The following KIAA1328 variants were observed in gnomAD, a reference collection of about 807,000 sequenced individuals.
KIAA1328 encodes protein hinderin.
A neutral mutation model predicts 68.1 loss-of-function variants in KIAA1328; 52 were observed. The observed-to-expected ratio is 0.76, with a 90% CI of 0.61 to 0.96. KIAA1328 has a LOEUF of 0.96. Ranked by LOEUF, KIAA1328 falls within the 40% of genes least tolerant of loss-of-function variation. The pLI is 0.00. For synonymous variants in KIAA1328, 232 were observed against 239.4 expected (o/e 0.97, Z 0.28); for missense variants, 641 against 677.6 (o/e 0.95, Z 0.60).
At chr18:36,898,655 T>C (rs947613912) in intron 5 of KIAA1328, among the ~76,000 whole-genome samples, 1 of 152,004 alleles carries the variant, frequency 6.6e-6, no homozygotes, top group Non-Finnish European at 1.5e-5. Context: ...TTTAGGCTGG[T>C]ATAGTGACGC....
chr18:37,213,920 T>C (rs779068191), intron 9 of KIAA1328, among the ~76,000 whole-genome samples: 2 of 152,254 alleles, frequency 1.3e-5, no homozygotes, highest in Non-Finnish European at 2.9e-5. Flanking sequence ...CATTTTTTCA[T>C]GTGTCTGTTG....
At position 37,200,141 on chromosome 18, in the gene KIAA1328, C is replaced by A. The variant is rs544396478; in HGVS notation, c.1524-21876C>A. 4.3e-4 allele frequency among the ~76,000 whole-genome samples: 65 copies of A among 152,270 alleles called. 1 individual carries two copies. The highest frequency in any genetic ancestry group is 1.6e-3 in the African/African-American group (65 of 41,564). On this transcript the variant is annotated intron_variant, in intron 9 of 9. Coordinates refer to ENST00000280020, the MANE Select transcript of KIAA1328 (RefSeq NM_020776.3). ...AAGGAAGAGCCTGAGGCACAACATA[C>A]AATTTGAAGAGTTTACTTGAGCCAA...
At chr18:37,051,954 A>G (rs1179076332) in intron 6 of KIAA1328, among the ~76,000 whole-genome samples, 3 of 152,070 alleles carry the variant, frequency 2.0e-5, no homozygotes, top group Admixed American at 2.0e-4. Flanking sequence ...AGGCAGGAGA[A>G]TCACTTGAAA....
chr18:36,854,004 A>C (rs2047302860), intron 4 of KIAA1328, among the ~76,000 whole-genome samples: 1 of 152,172 alleles, frequency 6.6e-6, no homozygotes, highest in Non-Finnish European at 1.5e-5. Flanking sequence ...CTAAATTCAT[A>C]TGTTGAAGTG....
intron 7 of KIAA1328, chr18:37,075,747 T>C (rs1208002696): frequency 6.6e-6 from 1 of 152,166 alleles, no homozygotes; most frequent in Non-Finnish European, 1.5e-5. Flanking sequence ...GGCCATTACA[T>C]AATGGTAAAG....
intron 5 of KIAA1328, among the ~76,000 whole-genome samples, chr18:36,894,624 A>G (rs1295454829): frequency 2.0e-5 from 3 of 151,946 alleles, no homozygotes; most frequent in Non-Finnish European, 2.9e-5. Flanking sequence ...TCCCAGGCCC[A>G]AGCAGTCCTC....
Position 37,224,445 on chromosome 18 carries a change from A to C in KIAA1328, c.*2218A>C. 1 of 985,446 alleles carries C rather than the reference A, an allele frequency of 1.0e-6. No individual in the cohort carries two copies. The highest frequency in any genetic ancestry group is 1.2e-6 in the Non-Finnish European group (1 of 829,938). 61.0% of individuals were successfully genotyped at this position (985,446 alleles called of 1,614,324 possible). On this transcript the variant is annotated 3_prime_UTR_variant, in exon 10 of 10. Transcript: ENST00000280020. ...GAATATCAACCAATACATTTTTCAC[A>C]TGCAAAACTCATCACCAGTTGCCTT...
chr18:36,988,100 T>A (rs1300367825), intron 6 of KIAA1328, among the ~76,000 whole-genome samples: 2 of 152,208 alleles, frequency 1.3e-5, no homozygotes, highest in African/African-American at 4.8e-5. Flanking sequence ...TTACACAGGC[T>A]TTAAATGTCA....
intron 9 of KIAA1328, among the ~76,000 whole-genome samples, chr18:37,187,174 AAAG>A (rs34622879): frequency 0.023 from 3,428 of 152,202 alleles, 125 homozygotes; most frequent in African/African-American, 0.078. Flanking sequence ...AAAAAAAAAA[AAAG>A]TTTATTATCG....
At chr18:36,869,680 G>A (rs1402582264) in intron 4 of KIAA1328, among the ~76,000 whole-genome samples, 1 of 152,056 alleles carries the variant, frequency 6.6e-6, no homozygotes, top group African/African-American at 2.4e-5. Context: ...GTGAATTTAG[G>A]CTTCTTAGAC....
intron 5 of KIAA1328, among the ~76,000 whole-genome samples, chr18:36,950,832 C>T (rs1380053241): frequency 6.6e-6 from 1 of 152,134 alleles, no homozygotes; most frequent in Non-Finnish European, 1.5e-5. Flanking sequence ...CAGATTCTTA[C>T]CCGAGGATGA....
chr18:37,185,675 G>C (rs1335771006), intron 9 of KIAA1328, among the ~76,000 whole-genome samples: 1 of 151,700 alleles, frequency 6.6e-6, no homozygotes, highest in Non-Finnish European at 1.5e-5. Context: ...TGTATACACT[G>C]TTGATATATT....
At chr18:37,165,862 T>C (rs540041034) in intron 8 of KIAA1328, among the ~76,000 whole-genome samples, 5 of 152,100 alleles carry the variant, frequency 3.3e-5, no homozygotes, top group African/African-American at 1.2e-4. Context: ...GGAGGCTTTT[T>C]GAAAATGCTC....
intron 6 of KIAA1328, among the ~76,000 whole-genome samples, chr18:37,029,933 T>G (rs924978986): frequency 6.6e-6 from 1 of 152,226 alleles, no homozygotes; most frequent in Non-Finnish European, 1.5e-5. Flanking sequence ...TTCAGTCAAT[T>G]TGGTAGTTTC....
intron 9 of KIAA1328, among the ~76,000 whole-genome samples, chr18:37,200,813 G>A (rs1477334022): frequency 1.1e-4 from 14 of 132,842 alleles, no homozygotes; most frequent in East Asian, 4.5e-4. Context: ...GCGAGACTCC[G>A]TCTCAAAAAA....
At position 37,224,096 on chromosome 18, in the gene KIAA1328, G is replaced by C. The variant is rs2060608778; in HGVS notation, c.*1869G>C. 2.0e-6 allele frequency: 2 copies of C among 985,348 alleles called. No homozygotes were observed. Among genetic ancestry groups the C allele is most frequent in the Non-Finnish European group, 2.4e-6 (2 of 829,922 alleles). 61.0% of individuals were successfully genotyped at this position (985,348 alleles called of 1,614,324 possible). Reference sequence around the variant, plus strand: ...CTAAGAGCCCTCAGCCATTTTTTCAGTTAAAGTTAGGTTGCCAGAACTTTC... The same window carrying C: ...CTAAGAGCCCTCAGCCATTTTTTCACTTAAAGTTAGGTTGCCAGAACTTTC... On this transcript the variant is annotated 3_prime_UTR_variant, in exon 10 of 10. Coordinates refer to ENST00000280020, the MANE Select transcript of KIAA1328 (RefSeq NM_020776.3).
At chr18:37,193,053 G>A (rs1277064032) in intron 9 of KIAA1328, among the ~76,000 whole-genome samples, 1 of 152,092 alleles carries the variant, frequency 6.6e-6, no homozygotes, top group Non-Finnish European at 1.5e-5. Context: ...CACAGTGATA[G>A]TCTTTCACCA....
chr18:37,162,485 T>C (rs2154211845), intron 8 of KIAA1328, among the ~76,000 whole-genome samples: 1 of 152,280 alleles, frequency 6.6e-6, no homozygotes, highest in African/African-American at 2.4e-5. Context: ...ATTCTGCCCA[T>C]TGCACAGCTA....
chr18:37,105,428 T>A (rs1398499508), intron 7 of KIAA1328, among the ~76,000 whole-genome samples: 1 of 150,018 alleles, frequency 6.7e-6, no homozygotes, highest in African/African-American at 2.5e-5. Context: ...GACTTCGAAG[T>A]TATAGTAAGC....
Sources: allele counts gnomAD v4.1 joint callset (sites outside exome capture counted in the v4.1 genomes callset), GRCh38; gene constraint gnomAD v4.1.1; transcripts MANE v1.5; gene names NCBI Gene and HGNC (gene_info 2026-07-23, HGNC 2026-07-21).